CRTC3: variants seen among roughly 807,000 people sequenced by gnomAD.
CRTC3 encodes the protein CREB regulated transcription coactivator 3.
In CRTC3, 26 loss-of-function variants were observed where a neutral mutation model predicts 74.5. That is an observed-to-expected ratio of 0.35 (90% confidence interval 0.26 to 0.48). The LOEUF (loss-of-function observed/expected upper bound fraction) is 0.48. Among genes scored for constraint, CRTC3 ranks in the 20% least tolerant of loss-of-function variants. The pLI is 0.99. For synonymous variants in CRTC3, 377 were observed against 325.8 expected (o/e 1.16, Z -1.69); for missense variants, 760 against 787.3 (o/e 0.97, Z 0.41).
At chr15:90,575,275 C>T (rs112750049) in intron 2 of CRTC3, among the ~76,000 whole-genome samples, 9,798 of 152,128 alleles carry the variant, frequency 0.064, 1,050 homozygotes, top group African/African-American at 0.22. Flanking sequence ...CGCTTGAACC[C>T]GGGAGGCGGA....
intron 1 of CRTC3, among the ~76,000 whole-genome samples, chr15:90,532,486 C>A (rs571639213): frequency 6.6e-6 from 1 of 152,116 alleles, no homozygotes; most frequent in Non-Finnish European, 1.5e-5. Context: ...CATTACTAGC[C>A]CATGACAGAC....
intron 13 of CRTC3, among the ~76,000 whole-genome samples, chr15:90,640,629 C>A (rs71407319): frequency 0.2 from 30,105 of 151,774 alleles, 3,074 homozygotes; most frequent in African/African-American, 0.26. Flanking sequence ...TTTCAGTGAG[C>A]CGAGATGGCG....
rs10678466 is a variant in CRTC3, at chr15:90,543,300, CAAAAAAAA to C, written c.231+3175_231+3182del. Among the ~76,000 whole-genome samples the C allele has an allele frequency of 2.0e-4, 22 of 108,248 alleles. 1 individual carries two copies. The highest frequency in any genetic ancestry group is 5.3e-5 in the Non-Finnish European group (3 of 56,144). The allele number at this position is 108,248 out of a possible 152,430, so 71.0% of individuals were successfully genotyped here. On this transcript the variant is annotated intron_variant, in intron 2 of 14. Transcript: ENST00000268184. ...TGGGTGACAGAGCCAAACCCTGTCTCAAAAAAAAAAAAAAAAAAAGGTGGCCTGTCTGT... is the reference window on the plus strand; with the variant it reads ...TGGGTGACAGAGCCAAACCCTGTCTCAAAAAAAAAAAGGTGGCCTGTCTGT...
rs112297086 is a variant in CRTC3, at chr15:90,559,687, T to C, written c.231+19550T>C. Among the ~76,000 whole-genome samples, 145 of 152,306 alleles carry C rather than the reference T, an allele frequency of 9.5e-4. 2 individuals carry two copies. Among genetic ancestry groups the C allele is most frequent in the African/African-American group, 3.3e-3 (136 of 41,562 alleles). ...TCAGTCAGGCTGGTGTGCAATAGTG[T>C]GATCTTGGCTCACTGCAACCTCTGC... On this transcript the variant is annotated intron_variant, in intron 2 of 14. Coordinates refer to ENST00000268184, the MANE Select transcript of CRTC3 (RefSeq NM_022769.5).
At chr15:90,556,434 T>C (rs961351942) in intron 2 of CRTC3, among the ~76,000 whole-genome samples, 1 of 152,234 alleles carries the variant, frequency 6.6e-6, no homozygotes, top group African/African-American at 2.4e-5. Flanking sequence ...ATTTATTACC[T>C]TAAGGATAGG....
intron 6 of CRTC3, among the ~76,000 whole-genome samples, chr15:90,608,395 G>A (rs1968280264): frequency 6.6e-6 from 1 of 152,056 alleles, no homozygotes; most frequent in Non-Finnish European, 1.5e-5. Context: ...CACACCCAAG[G>A]TAGCCATGCG....
At chr15:90,539,904 G>A (rs2151056002) in intron 1 of CRTC3, 135 bp from the exon 2 acceptor site, 1 of 677,306 alleles carries the variant, frequency 1.5e-6, no homozygotes, top group Non-Finnish European at 2.6e-6. Context: ...CCTTGAGGGT[G>A]TGATCACTTA....
chr15:90,619,974 T>C, intron 9 of CRTC3, 184 bp downstream of exon 9: 1 of 590,006 alleles, frequency 1.7e-6, no homozygotes, highest in South Asian at 2.2e-5. Flanking sequence ...TTAAACTAAT[T>C]AAATTACATG....
intron 2 of CRTC3, among the ~76,000 whole-genome samples, chr15:90,564,318 G>T (rs1237555422): frequency 6.6e-6 from 1 of 152,146 alleles, no homozygotes; most frequent in Admixed American, 6.5e-5. Context: ...GAAGAAAAAA[G>T]AAACCATTTC....
intron 8 of CRTC3, chr15:90,618,316 A>G (rs3743406): frequency 0.7 from 118,778 of 169,626 alleles, 41,802 homozygotes; most frequent in South Asian, 0.78. Flanking sequence ...TTTAGCCAGC[A>G]CTTTATACCA....
intron 9 of CRTC3, among the ~76,000 whole-genome samples, 197 bp from the exon 10 acceptor site, chr15:90,625,579 A>G (rs1968804180): frequency 6.6e-6 from 1 of 152,164 alleles, no homozygotes; most frequent in Admixed American, 6.5e-5. Context: ...TAATGTGGGC[A>G]CAGGTAGTGG....
intron 1 of CRTC3, 173 bp from the exon 2 acceptor site, chr15:90,539,866 G>C: frequency 1.7e-6 from 1 of 602,162 alleles, no homozygotes; most frequent in Non-Finnish European, 2.9e-6. Flanking sequence ...CGAAAATAGA[G>C]TAATCAAAAC....
intron 10 of CRTC3, among the ~76,000 whole-genome samples, chr15:90,626,932 G>A (rs912151751): frequency 6.6e-6 from 1 of 152,194 alleles, no homozygotes; most frequent in Non-Finnish European, 1.5e-5. Context: ...AATGTCTAGG[G>A]CAGGTGATAA....
In CRTC3 at chr15:90,641,135, C is replaced by T. The variant is rs374266820; in HGVS notation, c.1587C>T (p.Asp529=). 238 of 1,613,948 alleles carry T rather than the reference C, an allele frequency of 1.5e-4. No homozygotes were observed. Among genetic ancestry groups the T allele is most frequent in the Non-Finnish European group, 1.8e-4 (214 of 1,179,984 alleles). Residue 529 remains aspartate (D), a synonymous_variant, in exon 14 of 15, where the codon GAC becomes GAT. Transcript: ENST00000268184. ...AACAAGGTTCCCGAGAACTGCAGGA[C>T]TCTTTTCATTTGAGACCAAGCCCGT... ...LVQQGSRELQ[D]SFHLRPSPYS...
At chr15:90,612,064 A>ACCTCCT (rs1449446103) in intron 6 of CRTC3, among the ~76,000 whole-genome samples, 3 of 20,428 alleles carry the variant, frequency 1.5e-4, no homozygotes, top group East Asian at 1.9e-3. Flanking sequence ...CTCCGCCTCC[A>ACCTCCT]CCTCCTCCTC....
chr15:90,644,466 C>G lies in CRTC3; in HGVS notation c.*2326C>G, dbSNP rs979852333. The G allele has an allele frequency of 8.8e-6, 2 of 226,026 alleles. No individual in the cohort carries two copies. Among genetic ancestry groups the G allele is most frequent in the African/African-American group, 2.3e-5 (1 of 43,206 alleles). The allele number at this position is 226,026 out of a possible 1,614,324, so 14.0% of individuals were successfully genotyped here. On this transcript the variant is annotated 3_prime_UTR_variant, in exon 15 of 15. Transcript: ENST00000268184. Reference sequence around the variant, plus strand: ...TTCAGTTTGTCTGCACAGCAGCCACCCTGCCTGGCAACAGAGACCCCAAGA... The same window carrying G: ...TTCAGTTTGTCTGCACAGCAGCCACGCTGCCTGGCAACAGAGACCCCAAGA...
In CRTC3 at chr15:90,638,611, C is replaced by G. The variant is rs759758472; in HGVS notation, c.1432C>G (p.Leu478Val). The G allele has an allele frequency of 1.2e-5, 20 of 1,613,412 alleles. No homozygotes were observed. The highest frequency in any genetic ancestry group is 1.6e-5 in the Non-Finnish European group (19 of 1,180,024). The change falls in exon 12 of 15, where the codon CTG becomes GTG. Residue 478 changes from leucine (L) to valine (V), a missense_variant. By Grantham distance (32) the Leu-to-Val change is conservative. Coordinates refer to ENST00000268184, the MANE Select transcript of CRTC3 (RefSeq NM_022769.5). Reference protein sequence around the residue: ...PAQQPQAASSLPQSDFQLLPA... With the variant: ...PAQQPQAASSVPQSDFQLLPA... ...CCAGCAGCCCCAGGCAGCCTCCTCA[C>G]TGCCACAGTCAGACTTTCAGCTTCT...
At chr15:90,591,111 C>T (rs1037644648) in intron 2 of CRTC3, among the ~76,000 whole-genome samples, 17 of 135,048 alleles carry the variant, frequency 1.3e-4, no homozygotes, top group Admixed American at 4.5e-4. Context: ...GGCACCACCA[C>T]GCCCCACTAT....
intron 2 of CRTC3, among the ~76,000 whole-genome samples, chr15:90,563,365 C>T (rs1001576234): frequency 6.6e-6 from 1 of 151,978 alleles, no homozygotes; most frequent in East Asian, 1.9e-4. Flanking sequence ...GAGATCACTC[C>T]ACTGCACTCT....
Sources: gnomAD v4.1 joint callset for allele counts (sites outside exome capture counted in the v4.1 genomes callset) on GRCh38, gnomAD v4.1.1 for gene constraint, MANE v1.5 for transcripts, NCBI Gene and HGNC (gene_info 2026-07-23, HGNC 2026-07-21) for gene names.